The following PDE1C variants were observed in gnomAD, a reference collection of about 807,000 sequenced individuals.
PDE1C encodes the protein phosphodiesterase 1C.
PDE1C carries 62 observed loss-of-function variants against 93.1 expected under a neutral mutation model. The observed-to-expected ratio is 0.67, with a 90% CI of 0.54 to 0.82. The LOEUF (loss-of-function observed/expected upper bound fraction) is 0.82. Ranked by LOEUF, PDE1C falls within the 40% of genes least tolerant of loss-of-function variation. The pLI is 0.00. For synonymous variants in PDE1C, 325 were observed against 310.1 expected, an observed-to-expected ratio of 1.05 and a Z score of -0.50; for missense variants, 742 against 884.6, an observed-to-expected ratio of 0.84 and a Z score of 2.04.
chr7:32,112,774 T>G (rs1013336348), intron 3 of PDE1C, among the ~76,000 whole-genome samples: 10 of 150,170 alleles, frequency 6.7e-5, no homozygotes, highest in African/African-American at 2.4e-4. Flanking sequence ...AAAGCTTTCT[T>G]GATTACATAT....
At chr7:32,205,634 G>A (rs538135716) in intron 2 of PDE1C, among the ~76,000 whole-genome samples, 4 of 152,156 alleles carry the variant, frequency 2.6e-5, no homozygotes, top group East Asian at 3.9e-4. Flanking sequence ...GTCTGCTTGT[G>A]CCCTGCAGAA....
intron 1 of PDE1C, among the ~76,000 whole-genome samples, chr7:32,278,102 A>G (rs572109909): frequency 7.2e-6 from 1 of 138,940 alleles, no homozygotes; most frequent in Non-Finnish European, 1.5e-5. Context: ...ACACGGGCAG[A>G]TGGAAATTAA....
In PDE1C at chr7:31,828,280, G is replaced by A. The variant is rs777688079; in HGVS notation, c.1285+12C>T. 3.7e-6 allele frequency: 6 copies of A among 1,607,720 alleles called. No individual in the cohort carries two copies. Among genetic ancestry groups the A allele is most frequent in the Non-Finnish European group, 5.1e-6 (6 of 1,174,816 alleles). On this transcript the variant is annotated intron_variant, in intron 12 of 17. Transcript: ENST00000396191. ...CTTTGGTGCTTCTATCCAAAGAGCT[G>A]CAAACACGTACCTACTTGTGACTGA... is the stretch of plus-strand genomic sequence containing the variant.
chr7:32,141,469 T>C (rs558931027), intron 3 of PDE1C, among the ~76,000 whole-genome samples: 5 of 152,378 alleles, frequency 3.3e-5, no homozygotes, highest in Middle Eastern at 3.4e-3. Context: ...ATACCACATA[T>C]GCCTGGTAGG....
intron 3 of PDE1C, among the ~76,000 whole-genome samples, chr7:32,086,219 C>T (rs1314405894): frequency 7.0e-6 from 1 of 142,890 alleles, no homozygotes; most frequent in African/African-American, 2.6e-5. Context: ...AACAGACAAA[C>T]AGAGAGCCAA....
intron 6 of PDE1C, among the ~76,000 whole-genome samples, chr7:31,872,546 A>G (rs1378657766): frequency 6.6e-6 from 1 of 152,146 alleles, no homozygotes; most frequent in African/African-American, 2.4e-5. Flanking sequence ...ACCTCTCCAA[A>G]TACACAGTCC....
chr7:32,255,219 T>C (rs1809699603), intron 1 of PDE1C, among the ~76,000 whole-genome samples: 1 of 152,120 alleles, frequency 6.6e-6, no homozygotes, highest in Admixed American at 6.5e-5. Flanking sequence ...AGTCAAGGCC[T>C]CTCAGATGGG....
the PDE1C span, among the ~76,000 whole-genome samples, chr7:31,745,737 G>A: frequency 6.6e-6 from 1 of 152,152 alleles, no homozygotes; most frequent in Non-Finnish European, 1.5e-5. Context: ...GAAGGTAGGT[G>A]GTGCAAAATA....
At chr7:31,646,149 G>C in the PDE1C span, among the ~76,000 whole-genome samples, 6 of 152,246 alleles carry the variant, frequency 3.9e-5, no homozygotes, top group East Asian at 9.6e-4. Context: ...ATATTTAGTT[G>C]TCTATTTTGT....
chr7:32,194,497 T>C (rs762622665), intron 2 of PDE1C, among the ~76,000 whole-genome samples: 3 of 152,238 alleles, frequency 2.0e-5, no homozygotes, highest in Non-Finnish European at 4.4e-5. Flanking sequence ...CATAAATATA[T>C]AGGATTGCTA....
intron 1 of PDE1C, among the ~76,000 whole-genome samples, chr7:32,377,141 A>C (rs1034317418): frequency 6.6e-6 from 1 of 152,160 alleles, no homozygotes; most frequent in Admixed American, 6.5e-5. Context: ...AATGAAAAAA[A>C]AATTAGACAA....
At chr7:31,790,266 A>G (rs1341083043) in intron 16 of PDE1C, 1 of 1,607,694 alleles carries the variant, frequency 6.2e-7, no homozygotes. Flanking sequence ...GAATCTGAAA[A>G]AAAGAAAAAG....
rs1208470127 is a variant in PDE1C, at chr7:32,403,898, CTTTTT to C, written c.310+23919_310+23923del. Among the ~76,000 whole-genome samples the C allele has an allele frequency of 4.9e-4, 74 of 152,082 alleles. 1 individual carries two copies. Among genetic ancestry groups the C allele is most frequent in the African/African-American group, 1.7e-3 (70 of 41,494 alleles). On this transcript the variant is annotated intron_variant, in intron 1 of 1. Transcript: ENST00000672256. ...ATCTTTTTTCCAGTTCTTCTTTTTT[CTTTTT>C]TATTTCAAGGACAGTGAGGTTAAGG... is the stretch of plus-strand genomic sequence containing the variant.
chr7:32,004,226 T>C (rs529038596), intron 2 of PDE1C, among the ~76,000 whole-genome samples: 3 of 150,424 alleles, frequency 2.0e-5, no homozygotes, highest in African/African-American at 7.4e-5. Context: ...TTACTGCCTA[T>C]GAACACAAAA....
chr7:31,639,408 T>G, the PDE1C span, among the ~76,000 whole-genome samples: 1 of 143,712 alleles, frequency 7.0e-6, no homozygotes, highest in South Asian at 2.3e-4. Flanking sequence ...CTGGAGACGT[T>G]GTTTTCATCT....
chr7:31,658,299 CTTTT>C, the PDE1C span: 4 of 1,388,470 alleles, frequency 2.9e-6, no homozygotes, highest in African/African-American at 4.4e-5. Context: ...AGCTGGATCC[CTTTT>C]TTTTTTCTTC....
intron 2 of PDE1C, among the ~76,000 whole-genome samples, chr7:32,200,430 G>C (rs145003718): frequency 7.4e-4 from 113 of 152,284 alleles, no homozygotes; most frequent in Non-Finnish European, 6.8e-4. Context: ...TTCCTCAAGA[G>C]CCAGAAAAGC....
chr7:32,058,978 A>C (rs917348144), intron 1 of PDE1C, among the ~76,000 whole-genome samples: 4 of 129,616 alleles, frequency 3.1e-5, no homozygotes, highest in Middle Eastern at 3.3e-3. Flanking sequence ...AAAAAAAAAA[A>C]CCTCATTTTT....
intron 1 of PDE1C, among the ~76,000 whole-genome samples, chr7:32,209,838 A>T (rs1395665580): frequency 2.0e-5 from 3 of 152,192 alleles, no homozygotes; most frequent in African/African-American, 4.8e-5. Flanking sequence ...TCCACTTAGT[A>T]AGAGGCACAC....
Sources: allele counts gnomAD v4.1 joint callset (sites outside exome capture counted in the v4.1 genomes callset), GRCh38; gene constraint gnomAD v4.1.1; transcripts MANE v1.5; gene names NCBI Gene and HGNC (gene_info 2026-07-23, HGNC 2026-07-21).